CYB561A3: variants seen among roughly 807,000 people sequenced by gnomAD.
The protein encoded by CYB561A3 is lysosomal membrane ascorbate-dependent ferrireductase CYB561A3.
CYB561A3 carries 16 observed loss-of-function variants against 25.3 expected under a neutral mutation model. The observed-to-expected ratio is 0.63, with a 90% CI of 0.43 to 0.96. CYB561A3 has a LOEUF of 0.96. Ranked by LOEUF, CYB561A3 falls within the 40% of genes least tolerant of loss-of-function variation. CYB561A3 has a pLI of 0.00. For missense variants in CYB561A3, 219 were observed against 307.5 expected (o/e 0.71, Z 2.15); for synonymous variants, 131 against 129.9 (o/e 1.01, Z -0.06).
At chr11:61,361,171 A>T (rs1857861490) in intron 1 of CYB561A3, 1 of 152,152 alleles carries the variant, frequency 6.6e-6, no homozygotes, top group Non-Finnish European at 1.5e-5. Context: ...TCATCTTACA[A>T]ATCAAAAACA....
chr11:61,355,219 A>G (rs1243692776), intron 3 of CYB561A3, among the ~76,000 whole-genome samples: 2 of 152,164 alleles, frequency 1.3e-5, no homozygotes, highest in African/African-American at 4.8e-5. Context: ...GGGATATAAC[A>G]GAGCCCACCT....
At position 61,353,893 on chromosome 11, in the gene CYB561A3, A is replaced by G; in HGVS notation, c.284T>C (p.Val95Ala). Residue 95 changes from valine (V) to alanine (A), a missense_variant, in exon 4 of 7, where the codon GTT becomes GCT. Coordinates refer to ENST00000294072, the MANE Select transcript of CYB561A3 (RefSeq NM_153611.6). ...ALHLMAFVLT[V>A]VGLVAVFTFH... ...CGTAAAGACAGCAACCAGCCCCACA[A>G]CAGTGAGGACGAAGGCCATCAGGTG... 6.2e-7 allele frequency: 1 copy of G among 1,614,154 alleles called. No homozygotes were observed. The highest frequency in any genetic ancestry group is 8.5e-7 in the Non-Finnish European group (1 of 1,180,018).
Position 61,353,948 on chromosome 11 carries a change from G to T in CYB561A3, c.229C>A (p.Leu77Met), listed in dbSNP as rs141576457. 2 of 1,614,206 alleles carry T rather than the reference G, an allele frequency of 1.2e-6. No individual in the cohort carries two copies. Among genetic ancestry groups the T allele is most frequent in the Non-Finnish European group, 1.7e-6 (2 of 1,180,036 alleles). The change falls in exon 4 of 7, where the codon CTG becomes ATG. Residue 77 changes from leucine (L) to methionine (M), a missense_variant. Physicochemically the swap from Leu to Met is conservative, Grantham distance 15. Transcript: ENST00000294072. Reference sequence around the variant, plus strand: ...GCTGCATGGAGGAGTTTCCAGGGCAGTTTGGGCCCCACCCACGACTGGGGC... The same window carrying T: ...GCTGCATGGAGGAGTTTCCAGGGCATTTTGGGCCCCACCCACGACTGGGGC... The part of the protein sequence containing the change: ...RLPQSWVGPK[L>M]PWKLLHAALH...
intron 5 of CYB561A3, chr11:61,352,127 A>C (rs749885824): frequency 1.3e-5 from 2 of 152,212 alleles, no homozygotes; most frequent in Non-Finnish European, 2.9e-5. Context: ...GCCAAGATCG[A>C]AACCAAGGTC....
intron 3 of CYB561A3, 85 bp from the exon 4 acceptor site, chr11:61,354,077 C>A: frequency 5.0e-6 from 7 of 1,408,424 alleles, no homozygotes; most frequent in Non-Finnish European, 6.9e-6. Context: ...GGATCCTACA[C>A]AGCTTCCCAG....
At chr11:61,357,201 A>G (rs745685214) in intron 2 of CYB561A3, 2 of 1,551,392 alleles carry the variant, frequency 1.3e-6, no homozygotes, top group African/African-American at 2.7e-5. Context: ...CCCCACTATT[A>G]CCCTAGACAG....
At chr11:61,357,190 A>ACCC (rs1857681736) in intron 2 of CYB561A3, 1 of 1,551,330 alleles carries the variant, frequency 6.4e-7, no homozygotes, top group East Asian at 2.4e-5. Flanking sequence ...AAGAGCAAAC[A>ACCC]CCCCACTATT....
chr11:61,357,399 GAAGCAACAACTCATGGTCCAGA>G (rs1857688124), intron 2 of CYB561A3: 4 of 600,286 alleles, frequency 6.7e-6, no homozygotes, highest in Non-Finnish European at 1.1e-5. Flanking sequence ...AAAAAAAGAG[GAAGCAACAACTCATGGTCCAGA>G]AAGCAAGAGA....
At chr11:61,353,629 A>G (rs1857522366) in intron 4 of CYB561A3, 155 bp downstream of exon 4, 2 of 885,688 alleles carry the variant, frequency 2.3e-6, no homozygotes, top group East Asian at 2.6e-5. Flanking sequence ...CTGACCTCCC[A>G]CAGCCCTTGA....
intron 1 of CYB561A3, chr11:61,361,233 C>A (rs1269905476): frequency 2.6e-5 from 4 of 152,116 alleles, no homozygotes; most frequent in Non-Finnish European, 5.9e-5. Context: ...GGTAAGTGGC[C>A]GAGCTGGTAC....
chr11:61,350,405 C>A lies in CYB561A3; in HGVS notation c.723G>T (p.Gly241=). Residue 241 remains glycine (G), a synonymous_variant, in exon 7 of 7, where the codon GGG becomes GGT. Coordinates refer to ENST00000294072, the MANE Select transcript of CYB561A3 (RefSeq NM_153611.6). ...LTDRQPLLHD[G]E ...GGAGCCCCTTCCTGCTGCTTCACTC[C>A]CCATCATGCAGCAGGGGCTGGAAAG... 1 of 1,610,938 alleles carries A rather than the reference C, an allele frequency of 6.2e-7. No homozygotes were observed. Among genetic ancestry groups the A allele is most frequent in the South Asian group, 1.1e-5 (1 of 90,080 alleles).
At position 61,350,862 on chromosome 11, in the gene CYB561A3, C is replaced by T. The variant is rs1483277179; in HGVS notation, c.705+129G>A. 20 of 1,371,512 alleles carry T rather than the reference C, an allele frequency of 1.5e-5. No homozygotes were observed. The East Asian group carries it at 5.0e-4, about 35-fold the overall frequency. The allele number at this position is 1,371,512 out of a possible 1,614,324, so 85.0% of individuals were successfully genotyped here. The stretch of plus-strand genomic sequence containing the variant: ...CTCCCCATCAGCCACCCTAACTCCA[C>T]CCTCAAGTTACTTGGTTTCCTGCTG... On this transcript the variant is annotated intron_variant, in intron 6 of 6. Transcript: ENST00000294072.
At chr11:61,353,694 G>T in intron 4 of CYB561A3, 90 bp downstream of exon 4, 2 of 1,331,704 alleles carry the variant, frequency 1.5e-6, no homozygotes, top group Non-Finnish European at 2.1e-6. Context: ...CAAGCAGTGA[G>T]CAGAGGAATA....
chr11:61,350,076 A>G lies in CYB561A3; in HGVS notation c.*323T>C. The G allele has an allele frequency of 1.9e-6, 1 of 539,174 alleles. No individual in the cohort carries two copies. Among genetic ancestry groups the G allele is most frequent in the Non-Finnish European group, 3.3e-6 (1 of 299,782 alleles). The allele number at this position is 539,174 out of a possible 1,614,324, so 33.4% of individuals were successfully genotyped here. ...GAGAGGCTGACGCCAAGGAGTGCAG[A>G]AGCCAAAGCCACCAAGGAAAGCAGA... is the stretch of plus-strand genomic sequence containing the variant. On this transcript the variant is annotated 3_prime_UTR_variant, in exon 7 of 7. Coordinates refer to ENST00000294072, the MANE Select transcript of CYB561A3 (RefSeq NM_153611.6).
chr11:61,359,345 C>CA (rs937783168), intron 1 of CYB561A3: 2 of 152,076 alleles, frequency 1.3e-5, no homozygotes, highest in African/African-American at 4.8e-5. Flanking sequence ...CTACTTAACT[C>CA]AGAGATTTGC....
At chr11:61,356,958 A>G in intron 2 of CYB561A3, 1 of 1,453,766 alleles carries the variant, frequency 6.9e-7, no homozygotes, top group Non-Finnish European at 9.0e-7. Flanking sequence ...GTGCCCAGAC[A>G]GAGCAGCAAA....
At chr11:61,355,030 G>A (rs1306272563) in intron 3 of CYB561A3, among the ~76,000 whole-genome samples, 7 of 152,052 alleles carry the variant, frequency 4.6e-5, no homozygotes, top group Non-Finnish European at 7.4e-5. Context: ...CACCATACCC[G>A]GCTAATTTTT....
chr11:61,357,136 A>G, intron 2 of CYB561A3: 1 of 1,527,722 alleles, frequency 6.5e-7, no homozygotes, highest in Non-Finnish European at 8.9e-7. Flanking sequence ...GCAAACACCC[A>G]GGCCTTGGGT....
At chr11:61,360,283 T>A (rs1364995966) in intron 1 of CYB561A3, 1 of 152,264 alleles carries the variant, frequency 6.6e-6, no homozygotes, top group Non-Finnish European at 1.5e-5. Context: ...GCAATGCAAA[T>A]GCTTGAAAAT....
Sources: gnomAD v4.1 joint callset for allele counts (sites outside exome capture counted in the v4.1 genomes callset) on GRCh38, gnomAD v4.1.1 for gene constraint, MANE v1.5 for transcripts, NCBI Gene and HGNC (gene_info 2026-07-23, HGNC 2026-07-21) for gene names.